NRXN3: variants seen among roughly 807,000 people sequenced by gnomAD.
The protein encoded by NRXN3 is neurexin 3.
NRXN3 carries 32 observed loss-of-function variants against 137.6 expected under a neutral mutation model. That is an observed-to-expected ratio of 0.23 (90% confidence interval 0.18 to 0.31). The LOEUF (loss-of-function observed/expected upper bound fraction) is 0.31, where lower values mean the gene tolerates loss of function less well. Ranked by LOEUF, NRXN3 falls within the 10% of genes least tolerant of loss-of-function variation. NRXN3 has a pLI of 1.00. For missense variants in NRXN3, 1,574 were observed against 2,062.5 expected, an observed-to-expected ratio of 0.76 and a Z score of 4.59; for synonymous variants, 798 against 784.5, an observed-to-expected ratio of 1.02 and a Z score of -0.29.
chr14:79,802,416 C>T (rs560377626), intron 19 of NRXN3, among the ~76,000 whole-genome samples: 9 of 152,044 alleles, frequency 5.9e-5, no homozygotes, highest in Non-Finnish European at 1.0e-4. Flanking sequence ...TAAGTTTTCC[C>T]CCTAATTGCC....
At chr14:78,565,890 G>A (rs887555453) in intron 4 of NRXN3, among the ~76,000 whole-genome samples, 1 of 152,172 alleles carries the variant, frequency 6.6e-6, no homozygotes, top group African/African-American at 2.4e-5. Context: ...ACATCTGAAA[G>A]GTTGGCAGCA....
intron 15 of NRXN3, among the ~76,000 whole-genome samples, chr14:79,190,329 A>G (rs1311476978): frequency 6.6e-6 from 1 of 152,070 alleles, no homozygotes; most frequent in African/African-American, 2.4e-5. Flanking sequence ...CTCTGTATCT[A>G]TATCTACTCT....
rs193258875 is a variant in NRXN3 at position 79,493,692 on chromosome 14, C to G, written c.3444+26290C>G. On this transcript the variant is annotated intron_variant, in intron 16 of 20. Transcript: ENST00000335750. ...GGACTGTAAAAAGTGACTACACCAT[C>G]CATTAATAATATATAGGAAGGCAGT... Among the ~76,000 whole-genome samples the G allele has an allele frequency of 5.9e-5, 9 of 152,304 alleles. 1 individual carries two copies. In the South Asian group the frequency reaches 8.3e-4, roughly 14 times the overall value.
intron 20 of NRXN3, among the ~76,000 whole-genome samples, chr14:79,835,324 G>C (rs1273443979): frequency 6.6e-6 from 1 of 152,084 alleles, no homozygotes; most frequent in Non-Finnish European, 1.5e-5. Context: ...TTGAAAAACA[G>C]AGAAGTCCCT....
intron 16 of NRXN3, among the ~76,000 whole-genome samples, chr14:79,537,270 T>C (rs1303160416): frequency 1.3e-5 from 2 of 151,990 alleles, no homozygotes; most frequent in African/African-American, 4.8e-5. Context: ...TTTTGAGAAG[T>C]GTCTGTTCGT....
intron 15 of NRXN3, among the ~76,000 whole-genome samples, chr14:79,241,547 A>G (rs1350664628): frequency 1.3e-5 from 2 of 152,126 alleles, no homozygotes; most frequent in African/African-American, 4.8e-5. Flanking sequence ...GAACAGTATG[A>G]GGGAAACTGC....
At chr14:79,482,258 T>G (rs569635779) in intron 16 of NRXN3, among the ~76,000 whole-genome samples, 1 of 152,184 alleles carries the variant, frequency 6.6e-6, no homozygotes, top group Non-Finnish European at 1.5e-5. Flanking sequence ...ATGACCAAGG[T>G]CAAAGAAGTT....
At chr14:78,334,122 A>T (rs978093862) in intron 4 of NRXN3, among the ~76,000 whole-genome samples, 1 of 152,176 alleles carries the variant, frequency 6.6e-6, no homozygotes, top group Non-Finnish European at 1.5e-5. Context: ...AGGAGGAGAC[A>T]ATTTACAGGG....
chr14:78,393,910 T>C lies in NRXN3; in HGVS notation c.757+96050T>C, dbSNP rs190912333. 3.1e-3 allele frequency among the ~76,000 whole-genome samples: 479 copies of C among 152,138 alleles called. 1 individual carries two copies. Among genetic ancestry groups the C allele is most frequent in the Non-Finnish European group, 5.0e-3 (340 of 67,876 alleles). On this transcript the variant is annotated intron_variant, in intron 4 of 20. Coordinates refer to ENST00000335750, the MANE Select transcript of NRXN3 (RefSeq NM_001330195.2). ...GGTGGCTACTTGTCCATTGTTCATA[T>C]AGAGGAATACAACAGACTTTTGTAC...
chr14:78,345,529 C>G (rs992652813), intron 4 of NRXN3, among the ~76,000 whole-genome samples: 11 of 152,120 alleles, frequency 7.2e-5, no homozygotes, highest in Admixed American at 5.2e-4. Context: ...CTGCCTCTTC[C>G]CAAGGGACTT....
chr14:78,192,720 C>T lies in NRXN3; in HGVS notation c.-704+22046C>T, dbSNP rs982032813. ...GACGCTTGGCACCGAAATTCCTCTC[C>T]TAGAGAGGGTGGTGTGGCTCCAGAA... On this transcript the variant is annotated intron_variant, in intron 1 of 20. Transcript: ENST00000335750. 3.9e-5 allele frequency among the ~76,000 whole-genome samples: 6 copies of T among 152,254 alleles called. No homozygotes were observed. In the East Asian group the frequency reaches 5.8e-4, roughly 15 times the overall value.
intron 4 of NRXN3, among the ~76,000 whole-genome samples, chr14:78,627,683 A>T (rs2097480346): frequency 6.6e-6 from 1 of 152,226 alleles, no homozygotes. Context: ...TTATATAAAA[A>T]TCAGAAAGCC....
intron 1 of NRXN3, among the ~76,000 whole-genome samples, chr14:78,225,478 A>G (rs1013436372): frequency 6.6e-6 from 1 of 151,704 alleles, no homozygotes; most frequent in African/African-American, 2.4e-5. Flanking sequence ...TTGTTTGAGT[A>G]CATTGTAGAT....
At chr14:79,741,886 C>T (rs1388404604) in intron 19 of NRXN3, among the ~76,000 whole-genome samples, 1 of 152,042 alleles carries the variant, frequency 6.6e-6, no homozygotes, top group Non-Finnish European at 1.5e-5. Context: ...TGTATATACA[C>T]AGACATATAC....
At position 78,449,592 on chromosome 14, in the gene NRXN3, A is replaced by G. The variant is rs117057357; in HGVS notation, c.757+151732A>G. Among the ~76,000 whole-genome samples the G allele has an allele frequency of 4.2e-3, 641 of 152,348 alleles. 29 individuals carry two copies. In the East Asian group the frequency reaches 0.083, roughly 20 times the overall value. On this transcript the variant is annotated intron_variant, in intron 4 of 20. Coordinates refer to ENST00000335750, the MANE Select transcript of NRXN3 (RefSeq NM_001330195.2). ...CAGATATTTTTCTCTATTTTTTATT[A>G]GAGCGTTCACGTTTATATCACGCAC...
chr14:79,193,404 G>A (rs559113117), intron 15 of NRXN3, among the ~76,000 whole-genome samples: 1 of 152,160 alleles, frequency 6.6e-6, no homozygotes, highest in African/African-American at 2.4e-5. Flanking sequence ...AAAGAAAGAA[G>A]GTGAGAAATG....
chr14:79,564,801 A>G (rs1451047107), intron 16 of NRXN3, among the ~76,000 whole-genome samples: 1 of 152,150 alleles, frequency 6.6e-6, no homozygotes, highest in Non-Finnish European at 1.5e-5. Context: ...CAAACCTGTC[A>G]TACCTTATTT....
At chr14:79,160,584 G>T (rs200693137) in intron 15 of NRXN3, among the ~76,000 whole-genome samples, 1 of 151,834 alleles carries the variant, frequency 6.6e-6, no homozygotes, top group African/African-American at 2.4e-5. Flanking sequence ...GCACATGTTC[G>T]TGTTGAGTAG....
intron 4 of NRXN3, among the ~76,000 whole-genome samples, chr14:78,541,653 C>T (rs926210226): frequency 2.6e-5 from 4 of 152,140 alleles, no homozygotes; most frequent in East Asian, 3.9e-4. Flanking sequence ...AGCTTTGTTC[C>T]GTTGTTGGTG....
Sources: allele counts gnomAD v4.1 joint callset (sites outside exome capture counted in the v4.1 genomes callset), GRCh38; gene constraint gnomAD v4.1.1; transcripts MANE v1.5; gene names NCBI Gene and HGNC (gene_info 2026-07-23, HGNC 2026-07-21).